Variants in CTBP2 observed in about 807,000 individuals in gnomAD.
The protein encoded by CTBP2 is C-terminal binding protein 2, also known as C-terminal-binding protein 2.
CTBP2 carries 30 observed loss-of-function variants against 80.3 expected under a neutral mutation model. That is an observed-to-expected ratio of 0.37 (90% CI 0.28 to 0.51). The LOEUF (loss-of-function observed/expected upper bound fraction) is 0.51, where lower values mean the gene tolerates loss of function less well. Among genes scored for constraint, CTBP2 ranks in the 20% least tolerant of loss-of-function variants. CTBP2 has a pLI of 0.93. For missense variants in CTBP2, 1,212 were observed against 1,375.3 expected, an observed-to-expected ratio of 0.88 and a Z score of 1.88; for synonymous variants, 594 against 587.4, an observed-to-expected ratio of 1.01 and a Z score of -0.16.
Position 125,043,679 on chromosome 10 carries a change from G to C in CTBP2, c.-101-4524C>G, listed in dbSNP as rs7095578. The stretch of plus-strand genomic sequence containing the variant: ...TCTCGATCTCCTGACCTCGTGATCT[G>C]TCTGCCTCAGCCTCCCAAAGTGCTG... On this transcript the variant is annotated intron_variant, in intron 2 of 10. Coordinates refer to the CTBP2 transcript ENST00000337195. 6.5e-3 allele frequency among the ~76,000 whole-genome samples: 996 copies of C among 152,090 alleles called. 7 individuals are homozygous for C. Among genetic ancestry groups the C allele is most frequent in the African/African-American group, 0.023 (944 of 41,488 alleles).
At position 125,026,594 on chromosome 10, in the gene CTBP2, G is replaced by A. The variant is rs764377379; in HGVS notation, c.1166C>T (p.Ala389Val). 14 of 1,563,582 alleles carry A rather than the reference G, an allele frequency of 9.0e-6. No individual in the cohort carries two copies. Among genetic ancestry groups the A allele is most frequent in the South Asian group, 1.2e-5 (1 of 86,074 alleles). ...GGGGGATGCTGTCTGCAGAGGAGCC[G>A]CAGCGCCCAGAGAAGCCAAGTCACC... Residue 389 changes from alanine to valine, a missense_variant, in exon 1 of 9, where the codon GCG becomes GTG. Ala to Val is a moderately conservative substitution (Grantham distance 64). This residue lies in a region of CTBP2 where 848 missense variants were observed against 782.3 expected (regional missense o/e 1.08). Transcript: ENST00000309035.
intron 2 of CTBP2, among the ~76,000 whole-genome samples, chr10:125,047,334 C>G: frequency 6.6e-6 from 1 of 152,134 alleles, no homozygotes; most frequent in Non-Finnish European, 1.5e-5. Flanking sequence ...ACTGGTTGAA[C>G]AGATAAAAAA....
chr10:125,062,219 G>T (rs1011599168), intron 2 of CTBP2, among the ~76,000 whole-genome samples: 19 of 151,556 alleles, frequency 1.3e-4, no homozygotes, highest in African/African-American at 3.9e-4. Flanking sequence ...TGGACTACTA[G>T]AAAGAGGTGC....
chr10:125,106,054 G>A (rs114726057), intron 2 of CTBP2, among the ~76,000 whole-genome samples: 20 of 152,336 alleles, frequency 1.3e-4, no homozygotes, highest in Non-Finnish European at 2.5e-4. Flanking sequence ...CCGTGTCTCT[G>A]GCTGTCCCAC....
chr10:124,991,768 AC>A (rs1952656663), intron 8 of CTBP2, among the ~76,000 whole-genome samples: 1 of 151,794 alleles, frequency 6.6e-6, no homozygotes, highest in Non-Finnish European at 1.5e-5. Context: ...CCCCAAATAT[AC>A]TTATTGCCAA....
chr10:125,071,407 G>A (rs940488217), intron 2 of CTBP2, among the ~76,000 whole-genome samples: 8 of 152,202 alleles, frequency 5.3e-5, no homozygotes, highest in Admixed American at 2.0e-4. Flanking sequence ...CAGCAAAGCC[G>A]GCTAACAAAT....
chr10:124,993,985 T>G lies in CTBP2; in HGVS notation c.2401A>C (p.Met801Leu), dbSNP rs766123145. ...TTCACAAGGAATGCTCCCTGCCTCATCTGTGGAAGGAAAGAAAAGCCGGTT... is the reference window on the plus strand; with the variant it reads ...TTCACAAGGAATGCTCCCTGCCTCAGCTGTGGAAGGAAAGAAAAGCCGGTT... Residue 801 changes from methionine to leucine, a missense_variant and splice_region_variant, in exon 6 of 9, where the codon ATG (methionine) becomes CTG (leucine). By Grantham distance (15) the Met-to-Leu change is conservative. Transcript: ENST00000309035. The G allele has an allele frequency of 3.1e-6, 5 of 1,613,810 alleles. No homozygotes were observed. The highest frequency in any genetic ancestry group is 1.7e-5 in the Admixed American group (1 of 59,968).
rs539665681 is a variant in CTBP2 at position 125,022,705 on chromosome 10, C to A, written c.1678+3377G>T. On this transcript the variant is annotated intron_variant, in intron 1 of 8. Coordinates refer to ENST00000309035, the MANE Select transcript of CTBP2 (RefSeq NM_022802.3). The stretch of plus-strand genomic sequence containing the variant: ...AGCACACAGGAAGGGCTGGACTCAT[C>A]CCTCTGCTGGTCTGCAGGGCCAGCC... Among the ~76,000 whole-genome samples the A allele has an allele frequency of 2.0e-4, 30 of 152,348 alleles. No homozygotes were observed. The South Asian group carries it at 4.8e-3, about 24-fold the overall frequency.
chr10:125,129,660 A>G (rs952383570), intron 1 of CTBP2, among the ~76,000 whole-genome samples: 1 of 152,150 alleles, frequency 6.6e-6, no homozygotes, highest in Non-Finnish European at 1.5e-5. Context: ...CAATACCAAG[A>G]CAACCTTCCA....
intron 2 of CTBP2, among the ~76,000 whole-genome samples, chr10:125,079,679 C>T (rs1846879189): frequency 6.6e-6 from 1 of 152,116 alleles, no homozygotes; most frequent in South Asian, 2.1e-4. Flanking sequence ...TAACCTATTC[C>T]CACAGGAAAA....
rs1954719039 is a variant in CTBP2 at position 125,002,875 on chromosome 10, G to A, written c.1978+85C>T. 5 of 1,543,286 alleles carry A rather than the reference G, an allele frequency of 3.2e-6. No individual in the cohort carries two copies. In the Admixed American group the frequency reaches 8.8e-5, roughly 27 times the overall value. ...CAGAAGCGGCTGCTCCGTGGTCCCA[G>A]TTCCAGCTGCTTCTCCAAGCCCACC... is the stretch of plus-strand genomic sequence containing the variant. On this transcript the variant is annotated intron_variant, in intron 3 of 8. Coordinates refer to ENST00000309035, the MANE Select transcript of CTBP2 (RefSeq NM_022802.3).
At chr10:125,044,514 A>T (rs571293961) in intron 2 of CTBP2, among the ~76,000 whole-genome samples, 1 of 152,374 alleles carries the variant, frequency 6.6e-6, no homozygotes, top group South Asian at 2.1e-4. Context: ...AAACTTGTGC[A>T]ACAGATGTCT....
intron 2 of CTBP2, chr10:125,100,683 C>T (rs945319483): frequency 2.6e-5 from 4 of 152,216 alleles, no homozygotes; most frequent in South Asian, 2.1e-4. Flanking sequence ...AGAGGAAAAA[C>T]GCGAATAACA....
At chr10:125,072,096 G>A (rs1003463468) in intron 2 of CTBP2, among the ~76,000 whole-genome samples, 10 of 152,146 alleles carry the variant, frequency 6.6e-5, no homozygotes, top group Non-Finnish European at 8.8e-5. Flanking sequence ...GGTGGCTCAC[G>A]AGGTCAGGAG....
intron 1 of CTBP2, among the ~76,000 whole-genome samples, chr10:125,012,173 C>T (rs1040965159): frequency 3.3e-5 from 5 of 152,218 alleles, no homozygotes; most frequent in Admixed American, 2.6e-4. Context: ...GCTACGTGTG[C>T]GAGATTTCCC....
At chr10:124,997,230 C>T (rs780077574) in intron 4 of CTBP2, 4 of 152,234 alleles carry the variant, frequency 2.6e-5, no homozygotes, top group Admixed American at 6.5e-5. Flanking sequence ...GAAATTGAGG[C>T]AAAAAGCTCA....
In CTBP2 at chr10:124,989,619, C is replaced by G. The variant is rs1464528481; in HGVS notation, c.2857G>C (p.Val953Leu). 2.5e-6 allele frequency: 4 copies of G among 1,612,278 alleles called. No homozygotes were observed. The Admixed American group carries it at 5.0e-5, about 20-fold the overall frequency. ...GCCACTGTCGGGAGGTTGTGAGTCA[C>G]TGGGATGCCTCCAGGGATGATCCCT... Residue 953 changes from valine to leucine, a missense_variant, in exon 9 of 9, where the codon GTG becomes CTG. Val to Leu is a conservative substitution (Grantham distance 32). Transcript: ENST00000309035.
chr10:125,026,210 G>T lies in CTBP2; in HGVS notation c.1550C>A (p.Ala517Glu). Residue 517 changes from alanine (A) to glutamate (E), a missense_variant, in exon 1 of 9, where the codon GCA becomes GAA. This residue lies in a region of CTBP2 where 848 missense variants were observed against 782.3 expected (regional missense o/e 1.08). Transcript: ENST00000309035. ...CGGCAGGGTGGATGGCCCCAGGGGT[G>T]CACCTGGCTTCCGCAAGACCTGGGG... The T allele has an allele frequency of 6.2e-7, 1 of 1,613,504 alleles. No individual in the cohort carries two copies. The highest frequency in any genetic ancestry group is 8.5e-7 in the Non-Finnish European group (1 of 1,179,824).
intron 2 of CTBP2, among the ~76,000 whole-genome samples, chr10:125,103,915 A>G (rs1289751429): frequency 6.6e-6 from 1 of 152,134 alleles, no homozygotes; most frequent in African/African-American, 2.4e-5. Context: ...CCCTGAGGAA[A>G]CTGATCACCC....
Sources: allele counts gnomAD v4.1 joint callset (sites outside exome capture counted in the v4.1 genomes callset), GRCh38; gene constraint gnomAD v4.1.1; regional missense constraint gnomAD v4.1.1; transcripts MANE v1.5; gene names NCBI Gene and HGNC (gene_info 2026-07-23, HGNC 2026-07-21).